Variants in GALNTL6 observed in about 807,000 individuals in gnomAD.
GALNTL6 encodes polypeptide N-acetylgalactosaminyltransferase-like 6.
GALNTL6 carries 46 observed loss-of-function variants against 73.7 expected under a neutral mutation model. The observed-to-expected ratio is 0.62, with a 90% CI of 0.49 to 0.80. GALNTL6 has a LOEUF of 0.80. GALNTL6 is among the 30% of genes least tolerant of loss of function. The pLI is 0.00. For missense variants in GALNTL6, 604 were observed against 755.0 expected, an observed-to-expected ratio of 0.80 and a Z score of 2.34; for synonymous variants, 259 against 263.7, an observed-to-expected ratio of 0.98 and a Z score of 0.17.
At chr4:172,613,134 T>A (rs1257412078) in intron 5 of GALNTL6, among the ~76,000 whole-genome samples, 1 of 152,108 alleles carries the variant, frequency 6.6e-6, no homozygotes, top group African/African-American at 2.4e-5. Context: ...TCAGCCTTTA[T>A]AGGGCTTATT....
At chr4:172,344,982 GTAA>G (rs1741689786) in intron 4 of GALNTL6, among the ~76,000 whole-genome samples, 3 of 152,026 alleles carry the variant, frequency 2.0e-5, no homozygotes, top group Admixed American at 1.3e-4. Context: ...AACAATGACC[GTAA>G]TAATGACAGT....
rs1260058827 is a variant in GALNTL6 at position 172,070,700 on chromosome 4, A to G, written c.139-158956A>G. On this transcript the variant is annotated intron_variant, in intron 2 of 12. Transcript: ENST00000506823. Reference sequence around the variant, plus strand: ...AAAAAAATAAATTACCCAGTCTGTGATAGTCTGTTATAGCAACAGAAAACA... The same window carrying G: ...AAAAAAATAAATTACCCAGTCTGTGGTAGTCTGTTATAGCAACAGAAAACA... Among the ~76,000 whole-genome samples, 5 of 110,136 alleles carry G rather than the reference A, an allele frequency of 4.5e-5. 1 individual carries two copies. The highest frequency in any genetic ancestry group is 1.0e-4 in the Non-Finnish European group (5 of 49,566). 72.3% of individuals were successfully genotyped at this position (110,136 alleles called of 152,430 possible).
At chr4:172,760,327 T>C (rs915941539) in intron 5 of GALNTL6, among the ~76,000 whole-genome samples, 1 of 152,188 alleles carries the variant, frequency 6.6e-6, no homozygotes, top group African/African-American at 2.4e-5. Flanking sequence ...ACAAAAGGCC[T>C]TGAAAATATT....
At chr4:171,929,467 GC>G (rs912266333) in intron 2 of GALNTL6, among the ~76,000 whole-genome samples, 1 of 151,960 alleles carries the variant, frequency 6.6e-6, no homozygotes, top group Non-Finnish European at 1.5e-5. Context: ...TGCCTGGCAC[GC>G]CCCAGACCCC....
intron 2 of GALNTL6, among the ~76,000 whole-genome samples, chr4:171,971,750 A>G (rs1002852029): frequency 2.6e-5 from 4 of 152,236 alleles, no homozygotes; most frequent in African/African-American, 9.6e-5. Context: ...TAGGATTTTG[A>G]TATGTAACCA....
intron 2 of GALNTL6, among the ~76,000 whole-genome samples, chr4:171,940,506 T>C (rs1368280962): frequency 6.6e-6 from 1 of 152,050 alleles, no homozygotes; most frequent in East Asian, 1.9e-4. Flanking sequence ...GCTCTTGCCT[T>C]AGAAGATCTG....
intron 7 of GALNTL6, among the ~76,000 whole-genome samples, chr4:172,866,669 C>G (rs769831957): frequency 2.0e-5 from 3 of 152,174 alleles, no homozygotes; most frequent in Non-Finnish European, 4.4e-5. Flanking sequence ...CTCTGGCCCT[C>G]ACACCCTAAG....
chr4:172,739,979 A>T (rs1429219152), intron 5 of GALNTL6, among the ~76,000 whole-genome samples: 1 of 152,036 alleles, frequency 6.6e-6, no homozygotes, highest in Non-Finnish European at 1.5e-5. Flanking sequence ...ACATGTTTTA[A>T]TTTTCAGAGG....
chr4:172,638,223 CT>C (rs1398011356), intron 5 of GALNTL6, among the ~76,000 whole-genome samples: 2 of 152,098 alleles, frequency 1.3e-5, no homozygotes, highest in African/African-American at 4.8e-5. Context: ...TACCTATGGC[CT>C]CTCTCCATTG....
chr4:172,927,091 G>T (rs945976427), intron 8 of GALNTL6, among the ~76,000 whole-genome samples: 1 of 152,138 alleles, frequency 6.6e-6, no homozygotes, highest in Non-Finnish European at 1.5e-5. Context: ...TCTACCATCT[G>T]CTAGGGCCTC....
rs746973659 is a variant in GALNTL6, at chr4:172,952,268, G to T, written c.1371+10G>T. 6 of 1,608,738 alleles carry T rather than the reference G, an allele frequency of 3.7e-6. No individual in the cohort carries two copies. Among genetic ancestry groups the T allele is most frequent in the East Asian group, 2.2e-5 (1 of 44,808 alleles). On this transcript the variant is annotated intron_variant, in intron 10 of 12. Transcript: ENST00000506823. ...TGCTGCCTGGGGGGAGGTGAGGAAA[G>T]GTTGCCTGAAACCTGCGCCTACCTA...
intron 7 of GALNTL6, among the ~76,000 whole-genome samples, chr4:172,838,673 G>A (rs902042633): frequency 2.6e-5 from 4 of 152,072 alleles, no homozygotes; most frequent in African/African-American, 9.7e-5. Flanking sequence ...TTAGACTCAA[G>A]TTTAGAAATA....
chr4:172,471,278 G>A (rs984342001), intron 5 of GALNTL6, among the ~76,000 whole-genome samples: 3 of 152,122 alleles, frequency 2.0e-5, no homozygotes, highest in African/African-American at 7.2e-5. Context: ...CAATTCCAGA[G>A]TTCTATCTTG....
chr4:172,732,999 AAATGCATACTCTG>A (rs1213010871), intron 5 of GALNTL6, among the ~76,000 whole-genome samples: 1 of 152,212 alleles, frequency 6.6e-6, no homozygotes, highest in Non-Finnish European at 1.5e-5. Context: ...GGCACACCAC[AAATGCATACTCTG>A]AGTTTGAATA....
At chr4:172,105,239 G>C (rs1322890073) in intron 2 of GALNTL6, among the ~76,000 whole-genome samples, 3 of 151,988 alleles carry the variant, frequency 2.0e-5, no homozygotes, top group Non-Finnish European at 4.4e-5. Context: ...TTCAACATGA[G>C]ACTCAATAGA....
intron 5 of GALNTL6, among the ~76,000 whole-genome samples, chr4:172,564,362 A>C (rs761057330): frequency 3.3e-5 from 5 of 152,212 alleles, no homozygotes; most frequent in Non-Finnish European, 7.3e-5. Flanking sequence ...AAGTGTTTCT[A>C]GTGGGAAAAA....
At chr4:171,968,669 A>G (rs1351958526) in intron 2 of GALNTL6, among the ~76,000 whole-genome samples, 1 of 152,160 alleles carries the variant, frequency 6.6e-6, no homozygotes, top group Non-Finnish European at 1.5e-5. Flanking sequence ...TTTAACTTGA[A>G]GTCCACACTT....
chr4:172,827,268 G>T (rs1742319184), intron 7 of GALNTL6, among the ~76,000 whole-genome samples: 1 of 152,150 alleles, frequency 6.6e-6, no homozygotes, highest in African/African-American at 2.4e-5. Context: ...CCTTCACCCT[G>T]CTTCATAGTG....
chr4:172,455,164 C>T (rs897908493), intron 5 of GALNTL6, among the ~76,000 whole-genome samples: 1 of 152,222 alleles, frequency 6.6e-6, no homozygotes, highest in South Asian at 2.1e-4. Flanking sequence ...CTGTGAGGAA[C>T]AGTGCACTTT....
Sources: allele counts gnomAD v4.1 joint callset (sites outside exome capture counted in the v4.1 genomes callset), GRCh38; gene constraint gnomAD v4.1.1; transcripts MANE v1.5; gene names NCBI Gene and HGNC (gene_info 2026-07-23, HGNC 2026-07-21).